The following CLVS1 variants were observed in gnomAD, a reference collection of about 807,000 sequenced individuals.
CLVS1 encodes the protein clavesin-1.
Under a neutral mutation model 33.1 loss-of-function variants are expected in CLVS1, and 10 were observed. That is an observed-to-expected ratio of 0.30 (90% CI 0.19 to 0.51). CLVS1 has a LOEUF of 0.51. Ranked by LOEUF, CLVS1 falls within the 20% of genes least tolerant of loss-of-function variation. The probability of loss-of-function intolerance (pLI) is 0.97; values close to 1 mark genes in which losing one functional copy is unlikely to be tolerated. For missense variants in CLVS1, 343 were observed against 433.4 expected, an observed-to-expected ratio of 0.79 and a Z score of 1.85; for synonymous variants, 163 against 166.1, an observed-to-expected ratio of 0.98 and a Z score of 0.14.
chr8:61,342,970 CA>C (rs1812077622), intron 2 of CLVS1, among the ~76,000 whole-genome samples: 1 of 152,196 alleles, frequency 6.6e-6, no homozygotes, highest in East Asian at 1.9e-4. Flanking sequence ...AACATGGACA[CA>C]ACATTTAAAA....
the CLVS1 span, among the ~76,000 whole-genome samples, chr8:61,041,581 G>T: frequency 1.3e-5 from 2 of 151,976 alleles, no homozygotes; most frequent in Admixed American, 1.3e-4. Context: ...TTATTTTTGT[G>T]TGTGGCTATT....
At chr8:61,392,166 A>G (rs892274230) in intron 3 of CLVS1, among the ~76,000 whole-genome samples, 2 of 152,150 alleles carry the variant, frequency 1.3e-5, no homozygotes, top group African/African-American at 4.8e-5. Flanking sequence ...CCATCTTTAC[A>G]CAAAAAATTT....
At chr8:61,246,773 C>G (rs537160123) in intron 2 of CLVS1, among the ~76,000 whole-genome samples, 2 of 152,080 alleles carry the variant, frequency 1.3e-5, no homozygotes, top group African/African-American at 4.8e-5. Flanking sequence ...CATACATGTT[C>G]TCTCTAGCTT....
chr8:61,056,436 A>G (rs1181467817), upstream of CLVS1, among the ~76,000 whole-genome samples: 1 of 152,198 alleles, frequency 6.6e-6, no homozygotes, highest in Non-Finnish European at 1.5e-5. Flanking sequence ...AAAGAAGTCT[A>G]TTTGACCCTG....
Position 61,500,727 on chromosome 8 carries a change from C to A in CLVS1, c.*1185C>A, listed in dbSNP as rs748828747. 1 of 152,168 alleles carries A rather than the reference C, an allele frequency of 6.6e-6. No homozygotes were observed. The highest frequency in any genetic ancestry group is 1.5e-5 in the Non-Finnish European group (1 of 68,036). 9.4% of individuals were successfully genotyped at this position (152,168 alleles called of 1,614,324 possible). On this transcript the variant is annotated 3_prime_UTR_variant, in exon 6 of 6. Transcript: ENST00000325897. The stretch of plus-strand genomic sequence containing the variant: ...TTTAGACATCTCTTATTCGCCCAGC[C>A]ATCTGCATGACATGGGTATTTATTA...
the CLVS1 span, among the ~76,000 whole-genome samples, chr8:60,971,496 A>G: frequency 6.6e-6 from 1 of 152,152 alleles, no homozygotes; most frequent in Non-Finnish European, 1.5e-5. Flanking sequence ...TCTTGCCTGC[A>G]TAGTGTCTGT....
intron 3 of CLVS1, among the ~76,000 whole-genome samples, chr8:61,451,189 G>T (rs888904548): frequency 6.6e-6 from 1 of 152,030 alleles, no homozygotes; most frequent in Non-Finnish European, 1.5e-5. Flanking sequence ...GGGGTTATTT[G>T]TTACTATAAC....
At chr8:61,118,432 T>G (rs1333746563) in intron 1 of CLVS1, among the ~76,000 whole-genome samples, 1 of 77,710 alleles carries the variant, frequency 1.3e-5, no homozygotes, top group African/African-American at 1.3e-4. Context: ...ATGTGTTTGC[T>G]CTGCTTTTCT....
chr8:61,338,717 A>G (rs974478101), intron 2 of CLVS1, among the ~76,000 whole-genome samples: 1 of 152,148 alleles, frequency 6.6e-6, no homozygotes, highest in Non-Finnish European at 1.5e-5. Context: ...AGCCACACAC[A>G]GTTCTCCCAC....
intron 5 of CLVS1, among the ~76,000 whole-genome samples, chr8:61,479,037 G>A (rs1818076014): frequency 1.3e-5 from 2 of 152,104 alleles, no homozygotes; most frequent in Admixed American, 1.3e-4. Context: ...TTCAACTTTG[G>A]TGAATCTGAC....
chr8:61,454,313 C>T, intron 4 of CLVS1, 62 bp downstream of exon 4: 1 of 1,109,354 alleles, frequency 9.0e-7, no homozygotes, highest in Non-Finnish European at 1.4e-6. Context: ...TATTTTCTCT[C>T]TCCCCTCCTC....
chr8:61,389,452 G>T (rs753803485), intron 3 of CLVS1, among the ~76,000 whole-genome samples: 1 of 151,992 alleles, frequency 6.6e-6, no homozygotes, highest in Non-Finnish European at 1.5e-5. Flanking sequence ...GAGGCAGGAG[G>T]CTCTTGCTTG....
At chr8:61,198,595 G>A (rs917534611) in intron 2 of CLVS1, among the ~76,000 whole-genome samples, 8 of 152,168 alleles carry the variant, frequency 5.3e-5, no homozygotes, top group African/African-American at 1.7e-4. Flanking sequence ...GGCCAGGCTG[G>A]TCTCAAAGTC....
chr8:61,415,397 C>T (rs967196467), intron 3 of CLVS1, among the ~76,000 whole-genome samples: 3 of 152,216 alleles, frequency 2.0e-5, no homozygotes, highest in Admixed American at 2.0e-4. Flanking sequence ...TTGCAGTAAT[C>T]AACTTGTGGT....
intron 2 of CLVS1, among the ~76,000 whole-genome samples, chr8:61,207,657 T>G (rs1426634863): frequency 6.6e-6 from 1 of 152,234 alleles, no homozygotes; most frequent in Non-Finnish European, 1.5e-5. Context: ...ATTCCAGGTG[T>G]GTGGCCACAG....
chr8:61,463,824 T>C (rs777310703), intron 5 of CLVS1, among the ~76,000 whole-genome samples: 108 of 152,036 alleles, frequency 7.1e-4, no homozygotes, highest in Non-Finnish European at 1.3e-3. Flanking sequence ...CCTACCACTT[T>C]GGGAGACCGA....
chr8:61,303,160 G>A (rs1810497109), intron 2 of CLVS1, among the ~76,000 whole-genome samples: 1 of 152,174 alleles, frequency 6.6e-6, no homozygotes, highest in African/African-American at 2.4e-5. Flanking sequence ...TAAGACAGAT[G>A]AGGTAGAGAA....
chr8:61,485,454 A>G (rs1316536487), intron 5 of CLVS1, among the ~76,000 whole-genome samples: 2 of 152,182 alleles, frequency 1.3e-5, no homozygotes, highest in Admixed American at 6.5e-5. Flanking sequence ...AACAGGTGCT[A>G]GAAAGGATGT....
At chr8:61,303,900 T>C (rs1480617406) in intron 2 of CLVS1, among the ~76,000 whole-genome samples, 1 of 152,212 alleles carries the variant, frequency 6.6e-6, no homozygotes, top group Non-Finnish European at 1.5e-5. Context: ...AAAGATTCTA[T>C]GTAAAAAGTA....
Sources: allele counts gnomAD v4.1 joint callset (sites outside exome capture counted in the v4.1 genomes callset), GRCh38; gene constraint gnomAD v4.1.1; transcripts MANE v1.5; gene names NCBI Gene and HGNC (gene_info 2026-07-23, HGNC 2026-07-21).